RIGI: variants seen among roughly 807,000 people sequenced by gnomAD.
RIGI encodes the protein RNA sensor RIG-I.
the RIGI span, among the ~76,000 whole-genome samples, chr9:32,508,239 A>ATTTTTTTTTTTTTTTTTTTTT: frequency 0.1 from 7,201 of 70,022 alleles, 2,049 homozygotes; most frequent in South Asian, 0.17. Context: ...TATTTACTTA[A>ATTTTTTTTTTTTTTTTTTTTT]TTTTTTTTTT....
the RIGI span, among the ~76,000 whole-genome samples, chr9:32,510,100 A>C: frequency 1.3e-5 from 2 of 152,196 alleles, no homozygotes; most frequent in African/African-American, 2.4e-5. Context: ...GAAAAGACCA[A>C]ACCTATGTTT....
the RIGI span, chr9:32,480,248 A>G: frequency 1.8e-5 from 29 of 1,608,916 alleles, no homozygotes; most frequent in Non-Finnish European, 2.2e-5. Flanking sequence ...ATCTTGCTCA[A>G]TCTCATCGAA....
the RIGI span, among the ~76,000 whole-genome samples, chr9:32,524,554 G>GGATTCCCA: frequency 2.0e-5 from 3 of 147,882 alleles, no homozygotes; most frequent in Non-Finnish European, 4.5e-5. Context: ...GAGACTTTTA[G>GGATTCCCA]GATTCCCAGG....
At chr9:32,458,050 C>T in the RIGI span, among the ~76,000 whole-genome samples, 105 of 152,290 alleles carry the variant, frequency 6.9e-4, no homozygotes, top group Admixed American at 3.4e-3. Flanking sequence ...AGCAATATGA[C>T]TCCTAATAGG....
chr9:32,498,187 G>A, the RIGI span: 1 of 436,878 alleles, frequency 2.3e-6, no homozygotes, highest in South Asian at 1.6e-5. Flanking sequence ...TGAAGGATGT[G>A]CAGTGAGAGT....
At chr9:32,491,604 C>T in the RIGI span, among the ~76,000 whole-genome samples, 12 of 151,058 alleles carry the variant, frequency 7.9e-5, no homozygotes, top group African/African-American at 2.9e-4. Flanking sequence ...CTCAATTTGG[C>T]GTTGACCTCC....
chr9:32,467,466 A>C, the RIGI span, among the ~76,000 whole-genome samples: 1 of 152,242 alleles, frequency 6.6e-6, no homozygotes, highest in Non-Finnish European at 1.5e-5. Flanking sequence ...CACCAGCACC[A>C]CCATGAAAGG....
the RIGI span, chr9:32,456,572 A>AT: frequency 6.4e-6 from 1 of 155,160 alleles, no homozygotes; most frequent in East Asian, 1.9e-4. Context: ...GGAGGACTCA[A>AT]TAAAAAAAGA....
chr9:32,487,742 AAC>A, the RIGI span: 1 of 1,353,238 alleles, frequency 7.4e-7, no homozygotes, highest in Non-Finnish European at 1.0e-6. Context: ...TGTTTTTACT[AAC>A]ACACAGTGTA....
the RIGI span, among the ~76,000 whole-genome samples, chr9:32,469,534 C>T: frequency 3.3e-5 from 5 of 152,084 alleles, no homozygotes; most frequent in Admixed American, 2.6e-4. Context: ...CCACAAAGCC[C>T]GAGTGCACTT....
chr9:32,492,276 C>A, the RIGI span: 3 of 1,148,304 alleles, frequency 2.6e-6, no homozygotes, highest in Non-Finnish European at 2.5e-6. Context: ...GCTGGTCTCG[C>A]GTTAGAGATG....
At chr9:32,490,081 A>G in the RIGI span, among the ~76,000 whole-genome samples, 25 of 152,346 alleles carry the variant, frequency 1.6e-4, no homozygotes, top group African/African-American at 5.3e-4. Context: ...ACTCACACGA[A>G]AGACATGTAA....
chr9:32,481,445 T>C, the RIGI span: 2 of 1,609,726 alleles, frequency 1.2e-6, no homozygotes, highest in Non-Finnish European at 1.7e-6. Context: ...TAACAATCCA[T>C]TGTTCATATT....
the RIGI span, chr9:32,480,219 CT>C: frequency 6.3e-7 from 1 of 1,593,798 alleles, no homozygotes; most frequent in Non-Finnish European, 8.6e-7. Context: ...CACCACTCAC[CT>C]TCAAATCTCT....
At chr9:32,526,182 C>CAGCT in the RIGI span, 4 of 1,603,892 alleles carry the variant, frequency 2.5e-6, no homozygotes, top group Admixed American at 5.1e-5. Flanking sequence ...CCTCTGCTTG[C>CAGCT]AGCTAGCTAC....
the RIGI span, among the ~76,000 whole-genome samples, chr9:32,482,963 A>C: frequency 2.6e-5 from 4 of 152,138 alleles, no homozygotes; most frequent in East Asian, 5.8e-4. Context: ...AGGGCCAAGC[A>C]TAGAATCGGC....
At chr9:32,522,608 C>A in the RIGI span, among the ~76,000 whole-genome samples, 3 of 152,084 alleles carry the variant, frequency 2.0e-5, no homozygotes, top group African/African-American at 7.2e-5. Flanking sequence ...GTAGGCCCAT[C>A]CAGCTGTGAT....
the RIGI span, among the ~76,000 whole-genome samples, chr9:32,479,161 T>A: frequency 6.6e-6 from 1 of 152,166 alleles, no homozygotes; most frequent in Non-Finnish European, 1.5e-5. Context: ...ATACAAAAAA[T>A]CTGCAAAAAC....
At chr9:32,518,787 T>C in the RIGI span, among the ~76,000 whole-genome samples, 2 of 152,238 alleles carry the variant, frequency 1.3e-5, no homozygotes, top group African/African-American at 2.4e-5. Flanking sequence ...CTCTTCTGCA[T>C]AGATATACTA....
Sources: allele counts gnomAD v4.1 joint callset (sites outside exome capture counted in the v4.1 genomes callset), GRCh38; gene constraint gnomAD v4.1.1; transcripts MANE v1.5; gene names NCBI Gene and HGNC (gene_info 2026-07-23, HGNC 2026-07-21).